Variants in UGGT1 observed in about 807,000 individuals in gnomAD.
UGGT1 encodes UDP-glucose glycoprotein glucosyltransferase 1.
In UGGT1, 107 loss-of-function variants were observed where a neutral mutation model predicts 203.9. That is an observed-to-expected ratio of 0.52 (90% CI 0.45 to 0.62). The LOEUF is 0.62. Ranked by LOEUF, UGGT1 falls within the 20% of genes least tolerant of loss-of-function variation. The pLI is 0.00. For missense variants in UGGT1, 1,673 were observed against 1,867.2 expected (o/e 0.90, Z 1.92); for synonymous variants, 628 against 653.5 (o/e 0.96, Z 0.59).
intron 1 of UGGT1, among the ~76,000 whole-genome samples, chr2:128,095,618 A>G (rs978050996): frequency 3.3e-5 from 5 of 152,060 alleles, no homozygotes; most frequent in Non-Finnish European, 7.4e-5. Flanking sequence ...CCTCCCAAGT[A>G]GCTGGGACCA....
intron 2 of UGGT1, 131 bp downstream of exon 2, chr2:128,097,695 C>A: frequency 9.0e-7 from 1 of 1,113,804 alleles, no homozygotes; most frequent in Non-Finnish European, 1.3e-6. Flanking sequence ...TCAGTGTATA[C>A]TGTAGGATGT....
intron 38 of UGGT1, among the ~76,000 whole-genome samples, chr2:128,184,457 A>G (rs1420857647): frequency 6.6e-6 from 1 of 152,234 alleles, no homozygotes; most frequent in Non-Finnish European, 1.5e-5. Flanking sequence ...TTATGAAGCA[A>G]ATACCCAGAT....
At chr2:128,099,693 G>A (rs1281696733) in intron 2 of UGGT1, among the ~76,000 whole-genome samples, 1 of 152,174 alleles carries the variant, frequency 6.6e-6, no homozygotes, top group Non-Finnish European at 1.5e-5. Context: ...CAGCATAGAA[G>A]TGGCAAAACA....
intron 2 of UGGT1, among the ~76,000 whole-genome samples, chr2:128,102,127 A>G (rs184890190): frequency 2.6e-5 from 4 of 151,856 alleles, no homozygotes; most frequent in African/African-American, 9.6e-5. Flanking sequence ...CAGACATCAT[A>G]TAGTTTGTAA....
intron 6 of UGGT1, 123 bp from the exon 7 acceptor site, chr2:128,115,001 G>C: frequency 1.2e-6 from 1 of 810,162 alleles, no homozygotes; most frequent in Non-Finnish European, 1.9e-6. Context: ...ACAATTTAAA[G>C]ATATTTTGAG....
chr2:128,174,456 GC>G (rs1286098315), intron 30 of UGGT1, among the ~76,000 whole-genome samples: 7 of 151,794 alleles, frequency 4.6e-5, no homozygotes, highest in Admixed American at 6.6e-5. Context: ...CCACCACCAT[GC>G]CCGGCTAATT....
At chr2:128,146,143 T>C (rs1689679175) in intron 18 of UGGT1, among the ~76,000 whole-genome samples, 176 bp downstream of exon 18, 4 of 151,964 alleles carry the variant, frequency 2.6e-5, no homozygotes, top group Admixed American at 2.6e-4. Flanking sequence ...ACCCCATTTC[T>C]AAAAAAGAAA....
intron 8 of UGGT1, among the ~76,000 whole-genome samples, chr2:128,117,640 T>G (rs1335191315): frequency 1.3e-5 from 2 of 150,126 alleles, no homozygotes; most frequent in South Asian, 2.1e-4. Flanking sequence ...GCCTCCTGGG[T>G]TCACGCTATT....
At chr2:128,097,203 T>C (rs1286822167) in intron 1 of UGGT1, among the ~76,000 whole-genome samples, 1 of 152,118 alleles carries the variant, frequency 6.6e-6, no homozygotes, top group East Asian at 1.9e-4. Flanking sequence ...TGTGAAACCC[T>C]GTCTCTACTA....
chr2:128,101,163 G>A (rs1438893639), intron 2 of UGGT1, among the ~76,000 whole-genome samples: 1 of 152,144 alleles, frequency 6.6e-6, no homozygotes, highest in Non-Finnish European at 1.5e-5. Context: ...ATGCTTATTA[G>A]AATCCACTTA....
At chr2:128,116,392 C>T (rs748728282) in intron 8 of UGGT1, 49 bp downstream of exon 8, 2 of 1,215,858 alleles carry the variant, frequency 1.6e-6, no homozygotes, top group Admixed American at 3.5e-5. Context: ...TTCTTTAAGC[C>T]TCCAGGCTTT....
chr2:128,159,677 A>T lies in UGGT1; in HGVS notation c.2519A>T (p.Glu840Val). Residue 840 changes from glutamate to valine, a missense_variant, in exon 23 of 41, where the codon GAG (glutamate) becomes GTG (valine). Physicochemically the swap from Glu to Val is moderately radical, Grantham distance 121. Coordinates refer to ENST00000259253, the MANE Select transcript of UGGT1 (RefSeq NM_020120.4). Reference sequence around the variant, plus strand: ...AAAATGGCCAAGGAGGGGGCTGCAGAGGCCCTGGCTGCAGGAGCTGACATT... The same window carrying T: ...AAAATGGCCAAGGAGGGGGCTGCAGTGGCCCTGGCTGCAGGAGCTGACATT... Reference protein sequence around the residue: ...ITKMAKEGAAEALAAGADIAE... With the variant: ...ITKMAKEGAAVALAAGADIAE... 1 of 1,614,134 alleles carries T rather than the reference A, an allele frequency of 6.2e-7. No individual in the cohort carries two copies. Among genetic ancestry groups the T allele is most frequent in the East Asian group, 2.2e-5 (1 of 44,866 alleles).
At chr2:128,159,963 A>G (rs186718218) in intron 23 of UGGT1, among the ~76,000 whole-genome samples, 199 of 152,264 alleles carry the variant, frequency 1.3e-3, no homozygotes, top group African/African-American at 4.4e-3. Flanking sequence ...CACAGTTTTT[A>G]AGAGAGACAA....
At chr2:128,091,504 C>T (rs1411285449) in intron 1 of UGGT1, 89 bp downstream of exon 1, 1 of 1,501,700 alleles carries the variant, frequency 6.7e-7, no homozygotes, top group Non-Finnish European at 8.9e-7. Flanking sequence ...ATTGAGCTTC[C>T]GCCTCTACCG....
intron 4 of UGGT1, 61 bp from the exon 5 acceptor site, chr2:128,109,573 A>G (rs1687758005): frequency 2.3e-6 from 3 of 1,319,710 alleles, no homozygotes; most frequent in South Asian, 1.2e-5. Flanking sequence ...TTGATTATAC[A>G]TGTCTTTATC....
rs1271001781 is a variant in UGGT1 at position 128,195,603 on chromosome 2, G to A, written c.*5861G>A. Reference sequence around the variant, plus strand: ...AGAATCTCTGCGTTCGAAGGGAATTGAGAATGAACTTCCTGGTACTGTAAT... The same window carrying A: ...AGAATCTCTGCGTTCGAAGGGAATTAAGAATGAACTTCCTGGTACTGTAAT... On this transcript the variant is annotated 3_prime_UTR_variant, in exon 41 of 41. Transcript: ENST00000259253. The A allele has an allele frequency of 6.6e-6, 1 of 152,210 alleles. No homozygotes were observed. The highest frequency in any genetic ancestry group is 1.5e-5 in the Non-Finnish European group (1 of 68,042). 9.4% of individuals were successfully genotyped at this position (152,210 alleles called of 1,614,324 possible). A position where few individuals can be genotyped will look rare whatever the true frequency, so the allele number is the denominator to read the frequency against.
At chr2:128,095,947 A>G (rs749494853) in intron 1 of UGGT1, among the ~76,000 whole-genome samples, 1 of 152,164 alleles carries the variant, frequency 6.6e-6, no homozygotes. Flanking sequence ...TCTGAAGCCC[A>G]AGGATAGCTT....
intron 1 of UGGT1, among the ~76,000 whole-genome samples, chr2:128,094,711 G>A (rs1687026485): frequency 1.4e-5 from 2 of 141,928 alleles, no homozygotes; most frequent in African/African-American, 2.7e-5. Flanking sequence ...GGGAAAGGGT[G>A]TCTATGGTTA....
At position 128,180,976 on chromosome 2, in the gene UGGT1, T is replaced by C. The variant is rs1296412322; in HGVS notation, c.3987T>C (p.Thr1329=). The change falls in exon 36 of 41, where the codon ACT becomes ACC. Residue 1329 remains threonine, a synonymous_variant. Coordinates refer to ENST00000259253, the MANE Select transcript of UGGT1 (RefSeq NM_020120.4). ...GGCCCCGGTGGCTTCATCAACAAAC[T>C]GAAAAACAGCGTATCATCTGGGGTT... ...YKWPRWLHQQ[T]EKQRIIWGYK... is the part of the protein sequence containing the mutation. 6.2e-7 allele frequency: 1 copy of C among 1,614,180 alleles called. No homozygotes were observed. Among genetic ancestry groups the C allele is most frequent in the Non-Finnish European group, 8.5e-7 (1 of 1,180,022 alleles).
Sources: allele counts gnomAD v4.1 joint callset (sites outside exome capture counted in the v4.1 genomes callset), GRCh38; gene constraint gnomAD v4.1.1; transcripts MANE v1.5; gene names NCBI Gene and HGNC (gene_info 2026-07-23, HGNC 2026-07-21).